SP110: variants seen among roughly 807,000 people sequenced by gnomAD.
SP110 encodes the protein interferon-induced protein 41, 30kD.
In SP110, 62 loss-of-function variants were observed where a neutral mutation model predicts 92.7. That is an observed-to-expected ratio of 0.67 (90% CI 0.55 to 0.83). The LOEUF (loss-of-function observed/expected upper bound fraction) is 0.83. Ranked by LOEUF, SP110 falls within the 40% of genes least tolerant of loss-of-function variation. The pLI is 0.00. For missense variants in SP110, 793 were observed against 863.9 expected, an observed-to-expected ratio of 0.92 and a Z score of 1.03; for synonymous variants, 273 against 305.3, an observed-to-expected ratio of 0.89 and a Z score of 1.10.
intron 3 of SP110, chr2:230,213,733 G>A (rs1427294): frequency 0.91 from 139,601 of 152,632 alleles, 63,984 homozygotes; most frequent in East Asian, 1. Context: ...AAAATCATCA[G>A]GTTGAAGATC....
chr2:230,194,048 A>G (rs920934557), intron 10 of SP110, among the ~76,000 whole-genome samples: 2 of 152,146 alleles, frequency 1.3e-5, no homozygotes, highest in African/African-American at 4.8e-5. Flanking sequence ...GGGAACTAGG[A>G]AGAAGAGGCC....
In SP110 at chr2:230,186,132, G is replaced by A; in HGVS notation, c.1141C>T (p.Pro381Ser). 1.9e-6 allele frequency: 3 copies of A among 1,614,090 alleles called. No homozygotes were observed. Residue 381 changes from proline (P) to serine (S), a missense_variant, in exon 11 of 19, where the codon CCT becomes TCT. Pro to Ser is a moderately conservative substitution (Grantham distance 74). Coordinates refer to ENST00000258381, the MANE Select transcript of SP110 (RefSeq NM_080424.4). ...PRRVTQGAAS[P>S]GHGIQEKLQV... ...AGCTTCTCTTGGATGCCATGCCCAGGTGAGGCTGCCCCTGGACCAAATAGA... is the reference window on the plus strand; with the variant it reads ...AGCTTCTCTTGGATGCCATGCCCAGATGAGGCTGCCCCTGGACCAAATAGA...
chr2:230,204,323 C>G (rs1019583793), intron 8 of SP110, among the ~76,000 whole-genome samples: 1 of 152,172 alleles, frequency 6.6e-6, no homozygotes, highest in Non-Finnish European at 1.5e-5. Context: ...TTCCCTGTCT[C>G]CCTAATCCTA....
chr2:230,200,973 A>G lies in SP110; in HGVS notation c.1049-8T>C, dbSNP rs199526783. 2.5e-6 allele frequency: 4 copies of G among 1,609,186 alleles called. No homozygotes were observed. The highest frequency in any genetic ancestry group is 3.4e-6 in the Non-Finnish European group (4 of 1,175,514). ...AAGTGCCATCAATGATCTCTGGAAA[A>G]TGAAAGATCTTAGTAAATGCCCCTT... On this transcript the variant is annotated splice_region_variant and splice_polypyrimidine_tract_variant and intron_variant, in intron 9 of 18. Transcript: ENST00000258381.
At chr2:230,224,222 A>G (rs541917516), upstream of SP110, among the ~76,000 whole-genome samples, 137 of 152,298 alleles carry the variant, frequency 9.0e-4, no homozygotes, top group Non-Finnish European at 1.5e-3. Flanking sequence ...CTTATAAGCA[A>G]AAGAAGCTGG....
chr2:230,173,884 A>G (rs1293029651), intron 14 of SP110: 1 of 151,448 alleles, frequency 6.6e-6, no homozygotes, highest in African/African-American at 2.4e-5. Flanking sequence ...GGTTGCTTTC[A>G]CCCCCGAAGG....
chr2:230,218,350 C>G (rs1365314169), intron 1 of SP110, among the ~76,000 whole-genome samples: 1 of 152,104 alleles, frequency 6.6e-6, no homozygotes, highest in African/African-American at 2.4e-5. Flanking sequence ...AAAAAATACT[C>G]ATGAAAAGAA....
chr2:230,186,628 C>T (rs751580273), intron 10 of SP110, among the ~76,000 whole-genome samples: 17 of 152,078 alleles, frequency 1.1e-4, no homozygotes, highest in Non-Finnish European at 1.6e-4. Context: ...ACATTGTACC[C>T]AATACATAGG....
intron 7 of SP110, among the ~76,000 whole-genome samples, chr2:230,209,457 T>C (rs72982421): frequency 0.079 from 12,011 of 152,140 alleles, 653 homozygotes; most frequent in South Asian, 0.25. Flanking sequence ...AACATTTTAA[T>C]TGAATGGTTA....
chr2:230,197,631 T>C (rs975932240), intron 10 of SP110, among the ~76,000 whole-genome samples: 1 of 152,138 alleles, frequency 6.6e-6, no homozygotes, highest in Non-Finnish European at 1.5e-5. Context: ...GCCTATATCC[T>C]GAATGGTATT....
Position 230,171,753 on chromosome 2 carries a change from G to T in SP110, c.1830C>A (p.Leu610=), listed in dbSNP as rs1267174981. ...QPQDQLKCEF[L]LLKAYCHPQS... ...GTGGATGACAGTAGGCCTTCAAGAG[G>T]AGGAACTCACATTTCTGTAAAATGT... The change falls in exon 17 of 19, where the codon CTC becomes CTA. Residue 610 remains leucine (L), a synonymous_variant. Coordinates refer to ENST00000258381, the MANE Select transcript of SP110 (RefSeq NM_080424.4). The T allele has an allele frequency of 6.2e-7, 1 of 1,612,964 alleles. No homozygotes were observed. Among genetic ancestry groups the T allele is most frequent in the Non-Finnish European group, 8.5e-7 (1 of 1,178,904 alleles).
chr2:230,218,211 C>A (rs2045438551), intron 1 of SP110, among the ~76,000 whole-genome samples: 1 of 152,162 alleles, frequency 6.6e-6, no homozygotes, highest in South Asian at 2.1e-4. Flanking sequence ...TCCACTTTTC[C>A]AACTTCATTT....
chr2:230,188,552 C>G (rs6723879), intron 10 of SP110, among the ~76,000 whole-genome samples: 2,559 of 152,170 alleles, frequency 0.017, 51 homozygotes, highest in African/African-American at 0.056. Context: ...AGTGGGCATC[C>G]TTGTCTTATT....
chr2:230,171,619 AC>A (rs771078457), intron 17 of SP110, 76 bp downstream of exon 17: 1 of 1,108,868 alleles, frequency 9.0e-7, no homozygotes, highest in Non-Finnish European at 1.4e-6. Context: ...TCCTGAGCAA[AC>A]TGCAGCACCT....
intron 2 of SP110, among the ~76,000 whole-genome samples, 194 bp from the exon 3 acceptor site, chr2:230,215,312 T>G (rs906662270): frequency 6.6e-6 from 1 of 152,204 alleles, no homozygotes; most frequent in Admixed American, 6.5e-5. Flanking sequence ...TTACACATAT[T>G]TGGATGACTA....
At chr2:230,208,678 G>A (rs146390307) in intron 7 of SP110, among the ~76,000 whole-genome samples, 87 of 152,320 alleles carry the variant, frequency 5.7e-4, no homozygotes, top group Non-Finnish European at 1.1e-3. Flanking sequence ...ATTGCAGGAA[G>A]TAGCATTGTC....
chr2:230,185,010 T>C (rs900736895), intron 11 of SP110, among the ~76,000 whole-genome samples: 4 of 152,156 alleles, frequency 2.6e-5, no homozygotes, highest in Non-Finnish European at 5.9e-5. Flanking sequence ...CAGAGTCGAG[T>C]AGTTGCATCT....
Position 230,217,690 on chromosome 2 carries a change from G to C in SP110, c.-1-762C>G, listed in dbSNP as rs534378544. ...TGCCCCAGGGTTGCACAACTAGAGAGTGGAAGAGCTGGGAGCAAATCCTGA... is the reference window on the plus strand; with the variant it reads ...TGCCCCAGGGTTGCACAACTAGAGACTGGAAGAGCTGGGAGCAAATCCTGA... On this transcript the variant is annotated intron_variant, in intron 1 of 18. Coordinates refer to ENST00000258381, the MANE Select transcript of SP110 (RefSeq NM_080424.4). Among the ~76,000 whole-genome samples, 52 of 152,312 alleles carry C rather than the reference G, an allele frequency of 3.4e-4. 1 individual carries two copies. The South Asian group carries it at 0.01, about 30-fold the overall frequency.
chr2:230,208,798 G>A (rs2044155919), intron 7 of SP110, among the ~76,000 whole-genome samples: 1 of 152,220 alleles, frequency 6.6e-6, no homozygotes, highest in Non-Finnish European at 1.5e-5. Flanking sequence ...CAGTGTACAG[G>A]AAGTAGGTAA....
Sources: gnomAD v4.1 joint callset for allele counts (sites outside exome capture counted in the v4.1 genomes callset) on GRCh38, gnomAD v4.1.1 for gene constraint, MANE v1.5 for transcripts, NCBI Gene and HGNC (gene_info 2026-07-23, HGNC 2026-07-21) for gene names.